The following ERCC6 variants were observed in gnomAD, a reference collection of about 807,000 sequenced individuals.
ERCC6 encodes ERCC excision repair 6, chromatin remodeling factor, also known as DNA excision repair protein ERCC-6.
ERCC6 carries 116 observed loss-of-function variants against 158.7 expected under a neutral mutation model. That is an observed-to-expected ratio of 0.73 (90% CI 0.63 to 0.85). The LOEUF is 0.85. Among genes scored for constraint, ERCC6 ranks in the 40% least tolerant of loss-of-function variants. ERCC6 has a pLI of 0.00. For synonymous variants in ERCC6, 678 were observed against 659.3 expected (o/e 1.03, Z -0.43); for missense variants, 1,698 against 1,799.4 (o/e 0.94, Z 1.02).
Position 49,474,176 on chromosome 10 carries a change from T to C in ERCC6, c.2449A>G (p.Lys817Glu). 4 of 1,614,172 alleles carry C rather than the reference T, an allele frequency of 2.5e-6. No homozygotes were observed. The highest frequency in any genetic ancestry group is 3.4e-6 in the Non-Finnish European group (4 of 1,180,022). Residue 817 changes from lysine to glutamate, a missense_variant, in exon 13 of 21, where the codon AAG (lysine) becomes GAG (glutamate). By Grantham distance (56) the Lys-to-Glu change is moderately conservative. Transcript: ENST00000355832. ...TCATCAGGAAGACCTTTGAGATTCTTGGGACCTCCAGAAAAGAGATCAGGG... is the reference window on the plus strand; with the variant it reads ...TCATCAGGAAGACCTTTGAGATTCTCGGGACCTCCAGAAAAGAGATCAGGG... The part of the protein sequence containing the change: ...NHPDLFSGGP[K>E]NLKGLPDDEL...
At chr10:49,514,617 T>A (rs1564435476) in intron 5 of ERCC6, among the ~76,000 whole-genome samples, 1 of 152,240 alleles carries the variant, frequency 6.6e-6, no homozygotes, top group South Asian at 2.1e-4. Flanking sequence ...AAGCTGTGTA[T>A]CATACAGTTA....
chr10:49,486,401 C>CA (rs765047364), intron 8 of ERCC6, among the ~76,000 whole-genome samples: 5 of 151,758 alleles, frequency 3.3e-5, no homozygotes, highest in Non-Finnish European at 7.4e-5. Flanking sequence ...AACTTAGCCT[C>CA]CCAAAAAAGG....
chr10:49,458,849 T>C lies in ERCC6; in HGVS notation c.4448A>G (p.Glu1483Gly), dbSNP rs1446785764. 6.2e-7 allele frequency: 1 copy of C among 1,614,074 alleles called. No individual in the cohort carries two copies. Among genetic ancestry groups the C allele is most frequent in the Non-Finnish European group, 8.5e-7 (1 of 1,180,036 alleles). Residue 1483 changes from glutamate to glycine, a missense_variant, in exon 21 of 21, where the codon GAA (glutamate) becomes GGA (glycine). Glu to Gly is a moderately conservative substitution (Grantham distance 98). Coordinates refer to ENST00000355832, the MANE Select transcript of ERCC6 (RefSeq NM_000124.4). ...LCTFHRTSGG[E>G]GIWKLKPEYC Reference sequence around the variant, plus strand: ...TTCTGGCTTGAGTTTCCAAATTCCTTCACCACCAGAAGTTCTATGGAAAGT... The same window carrying C: ...TTCTGGCTTGAGTTTCCAAATTCCTCCACCACCAGAAGTTCTATGGAAAGT...
At chr10:49,442,310 C>A in the ERCC6 span, among the ~76,000 whole-genome samples, 1 of 152,210 alleles carries the variant, frequency 6.6e-6, no homozygotes, top group African/African-American at 2.4e-5. Context: ...AGTGGGGACC[C>A]ATGCCCAGGT....
rs770120527 is a variant in ERCC6, at chr10:49,532,616, T to C, written c.349A>G (p.Ile117Val). 1.3e-5 allele frequency: 21 copies of C among 1,614,212 alleles called. No homozygotes were observed. The highest frequency in any genetic ancestry group is 1.2e-4 in the South Asian group (11 of 91,082). Reference protein sequence around the residue: ...QGVLQQVDNAIHEASRASQLV... With the variant: ...QGVLQQVDNAVHEASRASQLV... ...TGGGAGGCACGGCTGGCCTCATGGATGGCATTGTCCACCTGCTGAAGCACT... is the reference window on the plus strand; with the variant it reads ...TGGGAGGCACGGCTGGCCTCATGGACGGCATTGTCCACCTGCTGAAGCACT... Residue 117 changes from isoleucine (I) to valine (V), a missense_variant, in exon 2 of 21, where the codon ATC becomes GTC. Transcript: ENST00000355832.
At chr10:49,521,158 A>G (rs897988949) in intron 5 of ERCC6, among the ~76,000 whole-genome samples, 1 of 152,242 alleles carries the variant, frequency 6.6e-6, no homozygotes, top group Admixed American at 6.5e-5. Flanking sequence ...TGTTGACATG[A>G]AAGCAAAGAT....
chr10:49,515,826 G>C, intron 5 of ERCC6: 3 of 1,614,102 alleles, frequency 1.9e-6, no homozygotes, highest in Non-Finnish European at 1.7e-6. Flanking sequence ...AAGACACAGG[G>C]GATGGATACC....
chr10:49,465,776 G>A (rs571750345), intron 18 of ERCC6, among the ~76,000 whole-genome samples: 3 of 152,284 alleles, frequency 2.0e-5, no homozygotes, highest in East Asian at 3.9e-4. Context: ...GCTCCTCCTT[G>A]CATGATTGTA....
intron 1 of ERCC6, among the ~76,000 whole-genome samples, chr10:49,533,747 G>A (rs564021638): frequency 2.6e-5 from 4 of 152,266 alleles, no homozygotes; most frequent in East Asian, 1.9e-4. Flanking sequence ...AGGCTGCAGT[G>A]AGCCATGATT....
intron 18 of ERCC6, among the ~76,000 whole-genome samples, chr10:49,463,650 CCCA>C (rs1396399399): frequency 6.6e-6 from 1 of 152,138 alleles, no homozygotes; most frequent in Non-Finnish European, 1.5e-5. Context: ...TCCCACAATT[CCCA>C]CGTGACATGG....
chr10:49,482,873 G>A lies in ERCC6; in HGVS notation c.1993-10C>T. On this transcript the variant is annotated splice_polypyrimidine_tract_variant and intron_variant, in intron 9 of 20. Transcript: ENST00000355832. The stretch of plus-strand genomic sequence containing the variant: ...GATGAGGGGTGCGAAACTATTTGAG[G>A]AAAGGAAGCACCTTTTTATTAAATT... 1 of 1,614,088 alleles carries A rather than the reference G, an allele frequency of 6.2e-7. No individual in the cohort carries two copies. Among genetic ancestry groups the A allele is most frequent in the South Asian group, 1.1e-5 (1 of 91,078 alleles).
intron 5 of ERCC6, among the ~76,000 whole-genome samples, chr10:49,512,796 G>C (rs376562265): frequency 1.3e-5 from 2 of 152,204 alleles, no homozygotes; most frequent in Non-Finnish European, 2.9e-5. Context: ...TGCATGAAAC[G>C]AAGTTTTGAC....
chr10:49,509,872 G>A (rs528434501), intron 5 of ERCC6, among the ~76,000 whole-genome samples: 19 of 152,074 alleles, frequency 1.2e-4, no homozygotes, highest in South Asian at 1.0e-3. Context: ...ATCCACACAC[G>A]TAATAGTCAC....
At chr10:49,532,479 T>A (rs1590491132) in intron 2 of ERCC6, 64 bp downstream of exon 2, 30 of 1,604,332 alleles carry the variant, frequency 1.9e-5, no homozygotes, top group South Asian at 1.8e-4. Flanking sequence ...GAGCTTTCCA[T>A]TACCTGAATA....
intron 5 of ERCC6, among the ~76,000 whole-genome samples, chr10:49,510,914 T>C (rs1851522154): frequency 6.6e-6 from 1 of 151,590 alleles, no homozygotes; most frequent in African/African-American, 2.4e-5. Context: ...CCTAGCTCTG[T>C]CCACTGGATA....
At chr10:49,441,511 C>T in the ERCC6 span, among the ~76,000 whole-genome samples, 1 of 152,334 alleles carries the variant, frequency 6.6e-6, no homozygotes, top group South Asian at 2.1e-4. Context: ...TTAGTAAACT[C>T]GGGACAGCTG....
intron 7 of ERCC6, 86 bp from the exon 8 acceptor site, chr10:49,493,338 C>A: frequency 2.0e-6 from 3 of 1,528,588 alleles, no homozygotes; most frequent in Admixed American, 1.8e-5. Flanking sequence ...AAACAACAAA[C>A]AAAAAACTTA....
rs1837264960 is a variant in ERCC6 at position 49,524,601 on chromosome 10, C to T, written c.829G>A (p.Asp277Asn). 1 of 1,614,074 alleles carries T rather than the reference C, an allele frequency of 6.2e-7. No homozygotes were observed. The highest frequency in any genetic ancestry group is 1.3e-5 in the African/African-American group (1 of 74,920). ...CTTTCAAAAGACAGTTTTGCTTGAT[C>T]TGCCAAATACTTTTCGAAGCCTGAT... ...EASGFEKYLADQAKLSFERKK... is the reference protein window; with the variant it reads ...EASGFEKYLANQAKLSFERKK... Residue 277 changes from aspartate (D) to asparagine (N), a missense_variant, in exon 5 of 21, where the codon GAT becomes AAT. Coordinates refer to ENST00000355832, the MANE Select transcript of ERCC6 (RefSeq NM_000124.4).
intron 5 of ERCC6, among the ~76,000 whole-genome samples, chr10:49,509,484 T>A (rs965478316): frequency 3.9e-5 from 6 of 152,216 alleles, no homozygotes; most frequent in Non-Finnish European, 7.3e-5. Flanking sequence ...AGTTAATTAT[T>A]ATGAATAATG....
Sources: gnomAD v4.1 joint callset for allele counts (sites outside exome capture counted in the v4.1 genomes callset) on GRCh38, gnomAD v4.1.1 for gene constraint, MANE v1.5 for transcripts, NCBI Gene and HGNC (gene_info 2026-07-23, HGNC 2026-07-21) for gene names.